The following TRPV3 variants were observed in gnomAD, a reference collection of about 807,000 sequenced individuals.
TRPV3 encodes transient receptor potential cation channel subfamily V member 3, also known as VRL-3.
TRPV3 carries 88 observed loss-of-function variants against 87.1 expected under a neutral mutation model. The observed-to-expected ratio is 1.01, with a 90% CI of 0.85 to 1.21. The LOEUF (loss-of-function observed/expected upper bound fraction) is 1.21, where lower values mean the gene tolerates loss of function less well. TRPV3 is among the 50% of genes most tolerant of loss of function. TRPV3 has a pLI of 0.00. For missense variants in TRPV3, 1,054 were observed against 1,030.1 expected, an observed-to-expected ratio of 1.02 and a Z score of -0.32; for synonymous variants, 438 against 423.3, an observed-to-expected ratio of 1.03 and a Z score of -0.43.
At position 3,532,866 on chromosome 17, in the gene TRPV3, G is replaced by A. The variant is rs780890549; in HGVS notation, c.856C>T (p.Gln286Ter). Reference protein sequence around the residue: ...EIVQLLMEHEQTDITSRDSRG... With the variant: ...EIVQLLMEHE ...GAGTCCCGCGAGGTGATGTCCGTCTGCTCGTGCTCCATCAGCAGCTGCACA... is the reference window on the plus strand; with the variant it reads ...GAGTCCCGCGAGGTGATGTCCGTCTACTCGTGCTCCATCAGCAGCTGCACA... Residue 286 changes from glutamine (Q) to a stop codon, truncating the protein, a stop_gained, in exon 8 of 18, where the codon CAG (glutamine) becomes TAG (stop). Transcript: ENST00000576742. LOFTEE classifies it high-confidence loss of function. 5.0e-6 allele frequency: 8 copies of A among 1,614,228 alleles called. No homozygotes were observed. Among genetic ancestry groups the A allele is most frequent in the Non-Finnish European group, 6.8e-6 (8 of 1,180,038 alleles).
chr17:3,554,883 G>T, intron 1 of TRPV3, 31 bp from the exon 2 acceptor site: 2 of 1,513,580 alleles, frequency 1.3e-6, no homozygotes, highest in South Asian at 2.3e-5. Flanking sequence ...AGATGCTCAG[G>T]CCGGGGGGAC....
intron 2 of TRPV3, chr17:3,554,428 G>T: frequency 3.4e-6 from 1 of 296,788 alleles, no homozygotes; most frequent in Non-Finnish European, 6.2e-6. Flanking sequence ...CTCAAGGGTG[G>T]CTCCAGCCAT....
At chr17:3,524,070 T>C in intron 13 of TRPV3, 128 bp downstream of exon 13, 1 of 1,244,588 alleles carries the variant, frequency 8.0e-7, no homozygotes, top group South Asian at 1.4e-5. Flanking sequence ...AGGGAGTGCA[T>C]GGCATTTGGG....
intron 8 of TRPV3, among the ~76,000 whole-genome samples, chr17:3,531,165 C>A (rs1053982878): frequency 3.3e-5 from 5 of 152,192 alleles, no homozygotes; most frequent in African/African-American, 1.2e-4. Context: ...ATTTGTGAAG[C>A]TTCCTGGTTG....
intron 12 of TRPV3, among the ~76,000 whole-genome samples, chr17:3,526,455 G>C (rs529954420): frequency 6.6e-6 from 1 of 151,860 alleles, no homozygotes; most frequent in African/African-American, 2.4e-5. Context: ...TCCAGCCTGG[G>C]CAACAAGAGT....
At chr17:3,542,381 G>T in intron 6 of TRPV3, 141 bp downstream of exon 6, 1 of 916,738 alleles carries the variant, frequency 1.1e-6, no homozygotes, top group Non-Finnish European at 1.6e-6. Flanking sequence ...GTTGCCTGAA[G>T]CATCCCTGGT....
chr17:3,538,660 C>G (rs2074430385), intron 6 of TRPV3, among the ~76,000 whole-genome samples: 4 of 152,056 alleles, frequency 2.6e-5, no homozygotes. Flanking sequence ...TCTCGGCTCA[C>G]TGCAACCTCC....
In TRPV3 at chr17:3,513,206, T is replaced by G. The variant is rs914609500; in HGVS notation, c.*711A>C. The G allele has an allele frequency of 1.3e-5, 2 of 152,680 alleles. No homozygotes were observed. Among genetic ancestry groups the G allele is most frequent in the African/African-American group, 2.4e-5 (1 of 41,458 alleles). The allele number at this position is 152,680 out of a possible 1,614,324, so 9.5% of individuals were successfully genotyped here. On this transcript the variant is annotated 3_prime_UTR_variant, in exon 18 of 18. Transcript: ENST00000576742. ...ATCACAAACTTCATTGTAGTAATTT[T>G]CATTCTCAACTGAAATGTCTTTTCC...
Position 3,545,273 on chromosome 17 carries a change from T to C in TRPV3, c.120-2A>G. The C allele has an allele frequency of 6.2e-7, 1 of 1,610,606 alleles. No individual in the cohort carries two copies. Among genetic ancestry groups the C allele is most frequent in the Non-Finnish European group, 8.5e-7 (1 of 1,177,160 alleles). On this transcript the variant is annotated splice_acceptor_variant, in intron 2 of 17. Coordinates refer to ENST00000576742, the MANE Select transcript of TRPV3 (RefSeq NM_145068.4). LOFTEE classifies it high-confidence loss of function. ...TCTATCTCCAGGAAGAAGTGTGCAC[T>C]GAGGGAACACGGAGGAAGCCTGTTA...
intron 12 of TRPV3, among the ~76,000 whole-genome samples, chr17:3,526,188 A>G (rs1261942258): frequency 4.6e-5 from 7 of 152,162 alleles, no homozygotes; most frequent in Admixed American, 2.0e-4. Flanking sequence ...ACAAATAAGA[A>G]GCAGAAGAGG....
At position 3,542,574 on chromosome 17, in the gene TRPV3, G is replaced by A. The variant is rs375682185; in HGVS notation, c.591C>T (p.Asn197=). ...CGTTGATGAACCTGCCCAGGATGTCGTTCTCTTCAGCAAAGGCAAGCAGGA... is the reference window on the plus strand; with the variant it reads ...CGTTGATGAACCTGCCCAGGATGTCATTCTCTTCAGCAAAGGCAAGCAGGA... ...VRILLAFAEE[N]DILGRFINAE... The change falls in exon 6 of 18, where the codon AAC becomes AAT. Residue 197 remains asparagine, a synonymous_variant. Coordinates refer to ENST00000576742, the MANE Select transcript of TRPV3 (RefSeq NM_145068.4). The A allele has an allele frequency of 9.3e-6, 15 of 1,613,846 alleles. No individual in the cohort carries two copies. In the African/African-American group the frequency reaches 1.2e-4, roughly 13 times the overall value.
chr17:3,532,504 C>A (rs1408761543), intron 8 of TRPV3, among the ~76,000 whole-genome samples, 153 bp downstream of exon 8: 1 of 152,256 alleles, frequency 6.6e-6, no homozygotes, highest in African/African-American at 2.4e-5. Context: ...CCTCCGGCCG[C>A]CACGCCACTG....
intron 1 of TRPV3, among the ~76,000 whole-genome samples, chr17:3,555,256 C>T (rs1397786099): frequency 6.6e-6 from 1 of 152,208 alleles, no homozygotes; most frequent in Non-Finnish European, 1.5e-5. Context: ...CTGACCAGTC[C>T]CAGGCGGACT....
intron 15 of TRPV3, among the ~76,000 whole-genome samples, chr17:3,517,373 T>G (rs1305419827): frequency 6.6e-6 from 1 of 151,806 alleles, no homozygotes; most frequent in Non-Finnish European, 1.5e-5. Context: ...ATCCCAGCAC[T>G]TTGGGAGGCT....
At chr17:3,554,699 C>T (rs1422059046) in intron 2 of TRPV3, 33 bp downstream of exon 2, 2 of 1,484,206 alleles carry the variant, frequency 1.3e-6, no homozygotes, top group Non-Finnish European at 1.9e-6. Flanking sequence ...CCTCACAGTG[C>T]CGCAGTCCGT....
chr17:3,530,709 G>A lies in TRPV3; in HGVS notation c.1066-506C>T, dbSNP rs1480746146. Among the ~76,000 whole-genome samples the A allele has an allele frequency of 2.0e-5, 3 of 152,164 alleles. No individual in the cohort carries two copies. The highest frequency in any genetic ancestry group is 4.4e-5 in the Non-Finnish European group (3 of 68,028). ...AGGGAGGCCCGTGGGACTTCGGTAGGCCAGTGATCCTCAAACTCTGCTGCA... is the reference window on the plus strand; with the variant it reads ...AGGGAGGCCCGTGGGACTTCGGTAGACCAGTGATCCTCAAACTCTGCTGCA... On this transcript the variant is annotated intron_variant, in intron 8 of 17. Coordinates refer to ENST00000576742, the MANE Select transcript of TRPV3 (RefSeq NM_145068.4). The surrounding 1 kb of genome is among the most constrained non-coding windows in gnomAD (Gnocchi z 4.0).
At chr17:3,541,219 T>A (rs167737) in intron 6 of TRPV3, among the ~76,000 whole-genome samples, 68,790 of 151,720 alleles carry the variant, frequency 0.45, 17,590 homozygotes, top group East Asian at 0.6. Context: ...TCCAAAAAAA[T>A]TAGCCAGGCA....
At chr17:3,546,569 G>A in intron 2 of TRPV3, 2 of 442,306 alleles carry the variant, frequency 4.5e-6, no homozygotes, top group East Asian at 7.0e-5. Context: ...TCAATTAGCT[G>A]CTAATTTACA....
chr17:3,514,080 CTTTT>C (rs967535489), intron 17 of TRPV3, 69 bp from the exon 18 acceptor site: 3 of 1,344,308 alleles, frequency 2.2e-6, no homozygotes, highest in Admixed American at 2.4e-5. Context: ...TTTTCTTTTT[CTTTT>C]TTTTCTTTTT....
Sources: gnomAD v4.1 joint callset for allele counts (sites outside exome capture counted in the v4.1 genomes callset) on GRCh38, gnomAD v4.1.1 for gene constraint, Gnocchi (gnomAD v3.1) non-coding constraint, MANE v1.5 for transcripts, NCBI Gene and HGNC (gene_info 2026-07-23, HGNC 2026-07-21) for gene names.